The following LYPD6B variants were observed in gnomAD, a reference collection of about 807,000 sequenced individuals.
LYPD6B encodes the protein LY6/PLAUR domain containing 6B.
Under a neutral mutation model 22.8 loss-of-function variants are expected in LYPD6B, and 17 were observed. The ratio of observed to expected loss-of-function variants is 0.75; its 90% confidence interval spans 0.51 to 1.12. The LOEUF (loss-of-function observed/expected upper bound fraction) is 1.12, where lower values mean the gene tolerates loss of function less well. LYPD6B is among the 50% of genes most tolerant of loss of function. The pLI, the probability that LYPD6B is intolerant of heterozygous loss-of-function variation, is 0.00. For synonymous variants in LYPD6B, 106 were observed against 91.6 expected (o/e 1.16, Z -0.90); for missense variants, 221 against 258.3 (o/e 0.86, Z 0.99).
intron 4 of LYPD6B, among the ~76,000 whole-genome samples, chr2:149,206,660 T>C (rs1693525188): frequency 6.6e-6 from 1 of 152,086 alleles, no homozygotes; most frequent in African/African-American, 2.4e-5. Flanking sequence ...ACGGAAAACA[T>C]ATAGAAGAAA....
At chr2:149,055,705 C>T (rs1211731337) in intron 1 of LYPD6B, among the ~76,000 whole-genome samples, 1 of 152,100 alleles carries the variant, frequency 6.6e-6, no homozygotes, top group Non-Finnish European at 1.5e-5. Flanking sequence ...ACAGTTAATT[C>T]TTGTGTTTCG....
At chr2:149,158,237 C>T (rs1051041059) in intron 2 of LYPD6B, among the ~76,000 whole-genome samples, 1 of 151,958 alleles carries the variant, frequency 6.6e-6, no homozygotes, top group African/African-American at 2.4e-5. Context: ...CTTTTCACAC[C>T]GTAAGTACTC....
At chr2:149,077,712 A>G (rs1684940558) in intron 1 of LYPD6B, 1 of 152,250 alleles carries the variant, frequency 6.6e-6, no homozygotes, top group Admixed American at 6.5e-5. Flanking sequence ...CACTTTTGCC[A>G]CAGTGAAAAC....
intron 1 of LYPD6B, among the ~76,000 whole-genome samples, chr2:149,049,501 T>C (rs1189299994): frequency 1.3e-5 from 2 of 152,198 alleles, no homozygotes; most frequent in Non-Finnish European, 2.9e-5. Context: ...GTTCAGTCCA[T>C]CTTCCAGTGG....
chr2:149,078,199 C>T (rs531186172), intron 1 of LYPD6B, among the ~76,000 whole-genome samples: 14 of 152,276 alleles, frequency 9.2e-5, no homozygotes, highest in South Asian at 6.2e-4. Flanking sequence ...GAAGAAACGC[C>T]GCCATCACCT....
intron 1 of LYPD6B, among the ~76,000 whole-genome samples, chr2:149,078,889 T>A (rs1170873299): frequency 1.3e-5 from 2 of 151,942 alleles, no homozygotes; most frequent in African/African-American, 4.8e-5. Context: ...GTGTCTGTAG[T>A]CCCATCTACT....
At chr2:149,090,408 A>G (rs1040646540) in intron 1 of LYPD6B, among the ~76,000 whole-genome samples, 15 of 152,178 alleles carry the variant, frequency 9.9e-5, no homozygotes, top group African/African-American at 3.6e-4. Context: ...AAATAATACA[A>G]TTGAATCAGC....
At chr2:149,040,345 C>T (rs1226299254) in intron 1 of LYPD6B, among the ~76,000 whole-genome samples, 10 of 152,126 alleles carry the variant, frequency 6.6e-5, no homozygotes, top group Admixed American at 2.0e-4. Context: ...CCTGCCTCAG[C>T]CTCCCAAGTA....
chr2:149,153,805 C>T (rs2105842982), intron 2 of LYPD6B, among the ~76,000 whole-genome samples: 1 of 152,136 alleles, frequency 6.6e-6, no homozygotes, highest in South Asian at 2.1e-4. Context: ...AAGTCTTTAC[C>T]TGGTCCAAGA....
intron 3 of LYPD6B, among the ~76,000 whole-genome samples, chr2:149,167,874 T>G (rs1575102701): frequency 6.6e-6 from 1 of 152,156 alleles, no homozygotes; most frequent in Non-Finnish European, 1.5e-5. Flanking sequence ...TTAACAATAA[T>G]AAACATAGAG....
intron 1 of LYPD6B, among the ~76,000 whole-genome samples, chr2:149,129,385 G>A (rs1325271439): frequency 4.6e-5 from 7 of 152,152 alleles, no homozygotes; most frequent in Non-Finnish European, 7.4e-5. Context: ...AAACACTTTG[G>A]ACAAATGCCA....
intron 6 of LYPD6B, among the ~76,000 whole-genome samples, chr2:149,213,997 A>G (rs1229717586): frequency 1.3e-5 from 2 of 152,146 alleles, no homozygotes; most frequent in Non-Finnish European, 2.9e-5. Context: ...ACGGTTTGGT[A>G]TTACCTGAAA....
chr2:149,190,866 A>G (rs1002238198), intron 3 of LYPD6B, among the ~76,000 whole-genome samples: 1 of 152,110 alleles, frequency 6.6e-6, no homozygotes, highest in Non-Finnish European at 1.5e-5. Context: ...AACTTTGCTT[A>G]TGAGTTTTTT....
At chr2:149,152,417 A>G (rs1689437504) in intron 2 of LYPD6B, among the ~76,000 whole-genome samples, 3 of 152,190 alleles carry the variant, frequency 2.0e-5, no homozygotes, top group African/African-American at 7.2e-5. Flanking sequence ...GCCAACACAC[A>G]AAACCAAAAG....
At chr2:149,071,285 A>G (rs1684590138) in intron 1 of LYPD6B, among the ~76,000 whole-genome samples, 1 of 152,198 alleles carries the variant, frequency 6.6e-6, no homozygotes, top group Non-Finnish European at 1.5e-5. Flanking sequence ...TTTGCTGTTC[A>G]TGCTATAGCA....
chr2:149,071,891 T>G (rs1684620554), intron 1 of LYPD6B, among the ~76,000 whole-genome samples: 1 of 152,148 alleles, frequency 6.6e-6, no homozygotes, highest in Admixed American at 6.6e-5. Context: ...TGGCATTGGT[T>G]GTTTTGCTGG....
At chr2:149,205,922 A>G (rs1693481255) in intron 4 of LYPD6B, 2 of 347,156 alleles carry the variant, frequency 5.8e-6, no homozygotes, top group South Asian at 5.3e-5. Context: ...GGCAAATATT[A>G]GTAACACATA....
intron 2 of LYPD6B, among the ~76,000 whole-genome samples, chr2:149,149,500 A>T (rs1390152065): frequency 6.6e-6 from 1 of 152,144 alleles, no homozygotes; most frequent in Non-Finnish European, 1.5e-5. Flanking sequence ...TTTTTCAAAC[A>T]TTCAACTTAG....
chr2:149,137,246 A>G (rs925224453), intron 2 of LYPD6B, among the ~76,000 whole-genome samples: 7 of 152,216 alleles, frequency 4.6e-5, no homozygotes, highest in African/African-American at 1.7e-4. Context: ...TAGTGTATAT[A>G]TCAAAGCCAT....
Sources: allele counts gnomAD v4.1 joint callset (sites outside exome capture counted in the v4.1 genomes callset), GRCh38; gene constraint gnomAD v4.1.1; transcripts MANE v1.5; gene names NCBI Gene and HGNC (gene_info 2026-07-23, HGNC 2026-07-21).